WWOX: variants seen among roughly 807,000 people sequenced by gnomAD.
The protein encoded by WWOX is WW domain containing oxidoreductase, also known as WW domain-containing oxidoreductase.
Under a neutral mutation model 46.2 loss-of-function variants are expected in WWOX, and 69 were observed. The observed-to-expected ratio is 1.49, with a 90% CI of 1.23 to 1.82. The LOEUF (loss-of-function observed/expected upper bound fraction) is 1.82, where lower values mean the gene tolerates loss of function less well. Ranked by LOEUF, WWOX falls within the 40% of genes most tolerant of loss-of-function variation. The pLI is 0.00. For missense variants in WWOX, 919 were observed against 542.6 expected (o/e 1.69, Z -6.89); for synonymous variants, 359 against 202.6 (o/e 1.77, Z -6.56).
At chr16:78,789,891 A>C (rs536648866) in intron 8 of WWOX, among the ~76,000 whole-genome samples, 8 of 152,312 alleles carry the variant, frequency 5.3e-5, no homozygotes, top group Non-Finnish European at 1.2e-4. Context: ...CTTCCAAATC[A>C]GACAGTTGTA....
intron 8 of WWOX, among the ~76,000 whole-genome samples, chr16:79,025,838 G>A (rs771259708): frequency 1.2e-5 from 1 of 83,830 alleles, no homozygotes; most frequent in Non-Finnish European, 2.2e-5. Context: ...TGCTCTTGTC[G>A]CCTAGGCTGG....
At chr16:78,665,775 C>T (rs545343675) in intron 8 of WWOX, among the ~76,000 whole-genome samples, 23 of 152,264 alleles carry the variant, frequency 1.5e-4, no homozygotes, top group African/African-American at 5.5e-4. Flanking sequence ...ACCTCCACCT[C>T]CTGGGTTCGA....
At chr16:78,791,741 T>G (rs1365404561) in intron 8 of WWOX, among the ~76,000 whole-genome samples, 1 of 151,938 alleles carries the variant, frequency 6.6e-6, no homozygotes, top group African/African-American at 2.4e-5. Context: ...TAGCTGGGAT[T>G]TGGTGGCGCC....
intron 8 of WWOX, among the ~76,000 whole-genome samples, chr16:78,593,113 G>A (rs2045389879): frequency 6.6e-6 from 1 of 152,130 alleles, no homozygotes; most frequent in Non-Finnish European, 1.5e-5. Flanking sequence ...GGGACCCACT[G>A]GGAGTTTGTG....
intron 6 of WWOX, among the ~76,000 whole-genome samples, chr16:78,398,060 C>A (rs2082328843): frequency 2.0e-5 from 3 of 152,192 alleles, no homozygotes; most frequent in Admixed American, 2.0e-4. Context: ...CACTTTCTTT[C>A]TACTTGTCTT....
At chr16:78,643,214 CA>C (rs1244227602) in intron 8 of WWOX, among the ~76,000 whole-genome samples, 2 of 152,054 alleles carry the variant, frequency 1.3e-5, no homozygotes, top group Non-Finnish European at 2.9e-5. Flanking sequence ...TCTAAGAAGT[CA>C]AAAAAGGACA....
rs139085923 is a variant in WWOX, at chr16:78,388,191, C to A, written c.605+1243C>A. Among the ~76,000 whole-genome samples, 778 of 152,258 alleles carry A rather than the reference C, an allele frequency of 5.1e-3. 6 individuals are homozygous for A. Among genetic ancestry groups the A allele is most frequent in the African/African-American group, 0.018 (731 of 41,548 alleles). On this transcript the variant is annotated intron_variant, in intron 6 of 8. Coordinates refer to ENST00000566780, the MANE Select transcript of WWOX (RefSeq NM_016373.4). Reference sequence around the variant, plus strand: ...GACTACAGATGCCTGCCACCATGGCCTGCTAATTTTTGTATTTTTAGTAGA... The same window carrying A: ...GACTACAGATGCCTGCCACCATGGCATGCTAATTTTTGTATTTTTAGTAGA...
At chr16:78,452,896 G>C (rs1470048019) in intron 8 of WWOX, among the ~76,000 whole-genome samples, 3 of 124,530 alleles carry the variant, frequency 2.4e-5, no homozygotes, top group African/African-American at 1.2e-4. Flanking sequence ...TTTTTGAGAG[G>C]GAATCTTACT....
At chr16:78,398,338 C>G (rs1439783372) in intron 6 of WWOX, among the ~76,000 whole-genome samples, 1 of 152,196 alleles carries the variant, frequency 6.6e-6, no homozygotes, top group Non-Finnish European at 1.5e-5. Flanking sequence ...TGTTCTGGAT[C>G]CTGACTCTGA....
At chr16:78,984,769 T>G (rs374932575) in intron 8 of WWOX, among the ~76,000 whole-genome samples, 3 of 152,196 alleles carry the variant, frequency 2.0e-5, no homozygotes, top group East Asian at 1.9e-4. Flanking sequence ...TTTTCGTGAT[T>G]TCCTCTGTGG....
chr16:78,919,356 TG>T (rs1255022339), intron 8 of WWOX, among the ~76,000 whole-genome samples: 8 of 151,994 alleles, frequency 5.3e-5, no homozygotes, highest in African/African-American at 1.7e-4. Flanking sequence ...TTCTAGAATT[TG>T]CATCCAGGCA....
chr16:79,107,176 A>G (rs1024056833), intron 8 of WWOX, among the ~76,000 whole-genome samples: 1 of 152,066 alleles, frequency 6.6e-6, no homozygotes, highest in African/African-American at 2.4e-5. Context: ...CCTGAGCTCA[A>G]GTGATCCGCC....
chr16:78,217,798 A>G (rs541834406), intron 5 of WWOX, among the ~76,000 whole-genome samples: 10 of 152,204 alleles, frequency 6.6e-5, no homozygotes, highest in Non-Finnish European at 1.2e-4. Flanking sequence ...TGTGCTGTGC[A>G]GGCCGTGGAG....
chr16:78,235,733 C>T (rs529356863), intron 5 of WWOX, among the ~76,000 whole-genome samples: 90 of 152,292 alleles, frequency 5.9e-4, no homozygotes, highest in Non-Finnish European at 9.7e-4. Context: ...CAAGGCTGTC[C>T]TCACGTCATG....
chr16:78,644,764 A>T (rs1293301026), intron 8 of WWOX, among the ~76,000 whole-genome samples: 1 of 152,190 alleles, frequency 6.6e-6, no homozygotes, highest in Non-Finnish European at 1.5e-5. Context: ...TGCCCAGCCA[A>T]ACCTCGGCAC....
At chr16:78,554,729 C>T (rs1196714401) in intron 8 of WWOX, among the ~76,000 whole-genome samples, 3 of 152,060 alleles carry the variant, frequency 2.0e-5, no homozygotes, top group Admixed American at 1.3e-4. Context: ...ATTCAGGGCA[C>T]GCAGATTTGG....
chr16:78,941,073 T>C (rs546767380), intron 8 of WWOX, among the ~76,000 whole-genome samples: 3 of 152,252 alleles, frequency 2.0e-5, no homozygotes, highest in South Asian at 4.1e-4. Flanking sequence ...AAGTTTATGA[T>C]TGGTCCCTGA....
chr16:78,725,340 T>C lies in WWOX; in HGVS notation c.1056+292588T>C, dbSNP rs1291392411. On this transcript the variant is annotated intron_variant, in intron 8 of 8. Transcript: ENST00000566780. The stretch of plus-strand genomic sequence containing the variant: ...TTTTTTCCTTTTTTCTTTTCTTTTC[T>C]TTTCTTTTTTTTTTTTTTTTTTTTG... Among the ~76,000 whole-genome samples, 121 of 75,256 alleles carry C rather than the reference T, an allele frequency of 1.6e-3. 1 individual carries two copies. The highest frequency in any genetic ancestry group is 1.9e-3 in the Non-Finnish European group (73 of 38,276). The allele number at this position is 75,256 out of a possible 152,430, so 49.4% of individuals were successfully genotyped here.
chr16:78,761,864 G>C (rs911892783), intron 8 of WWOX, among the ~76,000 whole-genome samples: 2 of 152,104 alleles, frequency 1.3e-5, no homozygotes, highest in Non-Finnish European at 2.9e-5. Context: ...AAACTAACTA[G>C]TTCATTAGTG....
Sources: allele counts gnomAD v4.1 joint callset (sites outside exome capture counted in the v4.1 genomes callset), GRCh38; gene constraint gnomAD v4.1.1; transcripts MANE v1.5; gene names NCBI Gene and HGNC (gene_info 2026-07-23, HGNC 2026-07-21).